Variants in PLEKHH1 observed in about 807,000 individuals in gnomAD.
The protein encoded by PLEKHH1 is pleckstrin homology, MyTH4 and FERM domain containing H1, also known as pleckstrin homology domain-containing family H member 1.
PLEKHH1 carries 104 observed loss-of-function variants against 160.0 expected under a neutral mutation model. That is an observed-to-expected ratio of 0.65 (90% CI 0.55 to 0.76). The LOEUF is 0.76. Ranked by LOEUF, PLEKHH1 falls within the 30% of genes least tolerant of loss-of-function variation. PLEKHH1 has a pLI of 0.00. For missense variants in PLEKHH1, 1,427 were observed against 1,724.1 expected, an observed-to-expected ratio of 0.83 and a Z score of 3.05; for synonymous variants, 619 against 678.4, an observed-to-expected ratio of 0.91 and a Z score of 1.36.
intron 9 of PLEKHH1, chr14:67,571,436 CACTT>C: frequency 7.3e-6 from 2 of 273,832 alleles, no homozygotes; most frequent in South Asian, 8.8e-5. Flanking sequence ...TCGCATGGCA[CACTT>C]AGTCTGTGGT....
rs1230402372 is a variant in PLEKHH1, at chr14:67,583,824, G to A, written c.3510G>A (p.Gln1170=). ...SPAKAQHLLQ[Q]VLDRFHPRRY... ...CCAAGGCTCAGCATCTTCTCCAGCAGGTCCTAGACAGGTTCCACCCCAGGC... is the reference window on the plus strand; with the variant it reads ...CCAAGGCTCAGCATCTTCTCCAGCAAGTCCTAGACAGGTTCCACCCCAGGC... Residue 1170 remains glutamine (Q), a synonymous_variant, in exon 25 of 29, where the codon CAG becomes CAA. Transcript: ENST00000329153. 10 of 1,613,264 alleles carry A rather than the reference G, an allele frequency of 6.2e-6. No individual in the cohort carries two copies. Among genetic ancestry groups the A allele is most frequent in the Non-Finnish European group, 8.5e-6 (10 of 1,179,572 alleles).
At position 67,583,793 on chromosome 14, in the gene PLEKHH1, C is replaced by T; in HGVS notation, c.3479C>T (p.Ser1160Phe). The T allele has an allele frequency of 6.2e-7, 1 of 1,612,614 alleles. No individual in the cohort carries two copies. The highest frequency in any genetic ancestry group is 8.5e-7 in the Non-Finnish European group (1 of 1,179,170). Residue 1160 changes from serine to phenylalanine, a missense_variant, in exon 25 of 29, where the codon TCC becomes TTC. This residue lies in a region of PLEKHH1 where 436 missense variants were observed against 607.5 expected (regional missense o/e 0.72). Transcript: ENST00000329153. ...GCCCTGCCAGGCCCTGGAGGCACAT[C>T]CCCTGCCAAGGCTCAGCATCTTCTC... ...KPALPGPGGT[S>F]PAKAQHLLQQ...
intron 1 of PLEKHH1, among the ~76,000 whole-genome samples, chr14:67,535,439 G>C (rs547339892): frequency 7.3e-6 from 1 of 137,904 alleles, no homozygotes; most frequent in Admixed American, 7.9e-5. Context: ...GGAGTGCAGT[G>C]GTGCAATCTC....
chr14:67,559,627 A>T lies in PLEKHH1; in HGVS notation c.359A>T (p.Glu120Val). Residue 120 changes from glutamate (E) to valine (V), a missense_variant, in exon 5 of 29, where the codon GAA (glutamate) becomes GTA (valine). Physicochemically the swap from Glu to Val is moderately radical, Grantham distance 121. Coordinates refer to ENST00000329153, the MANE Select transcript of PLEKHH1 (RefSeq NM_020715.3). ...TTGCAGAAGCAGATGAGGGCAGAGG[A>T]AGCAAAAACTGTTCAAGAAAAAGCT... ...LEKQKQMRAE[E>V]AKTVQEKAAK... The T allele has an allele frequency of 6.2e-7, 1 of 1,600,842 alleles. No homozygotes were observed. Among genetic ancestry groups the T allele is most frequent in the Non-Finnish European group, 8.5e-7 (1 of 1,173,582 alleles).
intron 5 of PLEKHH1, 68 bp from the exon 6 acceptor site, chr14:67,561,886 A>T: frequency 6.0e-5 from 67 of 1,108,218 alleles, no homozygotes; most frequent in Non-Finnish European, 8.6e-5. Context: ...AAAAAAAAAA[A>T]GAATTGAAAA....
At chr14:67,585,361 G>A (rs1317540051) in intron 26 of PLEKHH1, 9 of 550,088 alleles carry the variant, frequency 1.6e-5, no homozygotes, top group Non-Finnish European at 2.6e-5. Flanking sequence ...TAGGTGGCCA[G>A]AGCCCCAAGG....
At chr14:67,577,096 C>T (rs981275750) in intron 17 of PLEKHH1, among the ~76,000 whole-genome samples, 9 of 152,192 alleles carry the variant, frequency 5.9e-5, no homozygotes, top group African/African-American at 9.7e-5. Flanking sequence ...TGCCATTCCA[C>T]GAGAAAGGCC....
At chr14:67,583,918 G>A in intron 25 of PLEKHH1, 35 bp downstream of exon 25, 2 of 1,611,960 alleles carry the variant, frequency 1.2e-6, no homozygotes, top group Non-Finnish European at 1.7e-6. Context: ...GCAAGTCACT[G>A]TGGGGAGGTC....
At chr14:67,579,046 G>A in intron 20 of PLEKHH1, 88 bp from the exon 21 acceptor site, 1 of 888,174 alleles carries the variant, frequency 1.1e-6, no homozygotes, top group South Asian at 1.5e-5. Flanking sequence ...TACAGTTTTG[G>A]TCCTGGCTGA....
chr14:67,562,048 G>GGGTGTGCA lies in PLEKHH1; in HGVS notation c.505+23_505+30dup, dbSNP rs1208351493. 3 of 1,612,994 alleles carry GGGTGTGCA rather than the reference G, an allele frequency of 1.9e-6. No individual in the cohort carries two copies. Among genetic ancestry groups the GGGTGTGCA allele is most frequent in the Admixed American group, 1.7e-5 (1 of 60,002 alleles). ...GATGCGCTAGAAGGTAGGCAGGCCA[G>GGGTGTGCA]GGTGTGCAGGTGTGCAGTACGTGTG... On this transcript the variant is annotated intron_variant, in intron 6 of 28. Coordinates refer to ENST00000329153, the MANE Select transcript of PLEKHH1 (RefSeq NM_020715.3).
intron 23 of PLEKHH1, among the ~76,000 whole-genome samples, 159 bp downstream of exon 23, chr14:67,581,197 G>A (rs576138426): frequency 6.6e-6 from 1 of 152,144 alleles, no homozygotes; most frequent in South Asian, 2.1e-4. Context: ...GGGCTCTGCT[G>A]CTGATACTCT....
intron 2 of PLEKHH1, among the ~76,000 whole-genome samples, chr14:67,555,618 G>A (rs553624549): frequency 7.2e-5 from 11 of 152,256 alleles, no homozygotes; most frequent in African/African-American, 1.4e-4. Flanking sequence ...CAGCAGCCAC[G>A]GGCTCTTCAC....
chr14:67,539,534 T>C (rs901195373), intron 1 of PLEKHH1, among the ~76,000 whole-genome samples: 4 of 152,218 alleles, frequency 2.6e-5, no homozygotes, highest in Non-Finnish European at 2.9e-5. Flanking sequence ...GGGGAGATTA[T>C]GGTGTCAGAA....
rs979953898 is a variant in PLEKHH1, at chr14:67,588,723, A to C, written c.*1488A>C. 1.3e-5 allele frequency: 2 copies of C among 152,560 alleles called. No homozygotes were observed. The highest frequency in any genetic ancestry group is 1.3e-4 in the Admixed American group (2 of 15,276). 9.5% of individuals were successfully genotyped at this position (152,560 alleles called of 1,614,324 possible). ...TTACTATATGTCAGTAAAGTGCTGA[A>C]AACTGTATATTTAGCAGTAGCACCC... On this transcript the variant is annotated 3_prime_UTR_variant, in exon 29 of 29. Transcript: ENST00000329153.
chr14:67,559,852 A>T (rs958494534), intron 5 of PLEKHH1, among the ~76,000 whole-genome samples, 161 bp downstream of exon 5: 1 of 151,890 alleles, frequency 6.6e-6, no homozygotes, highest in Non-Finnish European at 1.5e-5. Flanking sequence ...ACCGTAGTTC[A>T]CTTCCCCTTT....
At position 67,561,936 on chromosome 14, in the gene PLEKHH1, AT is replaced by A; in HGVS notation, c.424-13del. On this transcript the variant is annotated splice_polypyrimidine_tract_variant and intron_variant, in intron 5 of 28. Coordinates refer to ENST00000329153, the MANE Select transcript of PLEKHH1 (RefSeq NM_020715.3). ...TGTAGGCTGGGTGTCCTAAATCTTC[AT>A]TTTTCTTTTTGCTCAGCTTGAGATG... 1 of 1,601,338 alleles carries A rather than the reference AT, an allele frequency of 6.2e-7. No homozygotes were observed.
At chr14:67,567,330 T>A (rs1045560371) in intron 7 of PLEKHH1, among the ~76,000 whole-genome samples, 3 of 152,208 alleles carry the variant, frequency 2.0e-5, no homozygotes, top group African/African-American at 7.2e-5. Context: ...AAGCCCTTTT[T>A]TCAGTTAATC....
rs1391772599 is a variant in PLEKHH1, at chr14:67,585,554, T to C, written c.3700-14T>C. ...ACTATGGATATATCTGATGGGTTGT[T>C]TCTGTTTCCCCAGCCTGCCCAGCTG... On this transcript the variant is annotated splice_polypyrimidine_tract_variant and intron_variant, in intron 26 of 28. Transcript: ENST00000329153. 5.8e-6 allele frequency: 9 copies of C among 1,554,622 alleles called. No homozygotes were observed. Among genetic ancestry groups the C allele is most frequent in the Non-Finnish European group, 7.9e-6 (9 of 1,143,818 alleles).
chr14:67,587,467 TA>T lies in PLEKHH1; in HGVS notation c.*234del. ...TTAAAACCATTTATTCCTTTTTTCATAAGAATAATGACTCCAGATGCTACCT... is the reference window on the plus strand; with the variant it reads ...TTAAAACCATTTATTCCTTTTTTCATAGAATAATGACTCCAGATGCTACCT... On this transcript the variant is annotated 3_prime_UTR_variant, in exon 29 of 29. Coordinates refer to ENST00000329153, the MANE Select transcript of PLEKHH1 (RefSeq NM_020715.3). 1 of 565,558 alleles carries T rather than the reference TA, an allele frequency of 1.8e-6. No individual in the cohort carries two copies. The highest frequency in any genetic ancestry group is 3.1e-6 in the Non-Finnish European group (1 of 317,534). 35.0% of individuals were successfully genotyped at this position (565,558 alleles called of 1,614,324 possible).
Sources: allele counts gnomAD v4.1 joint callset (sites outside exome capture counted in the v4.1 genomes callset), GRCh38; gene constraint gnomAD v4.1.1; regional missense constraint gnomAD v4.1.1; transcripts MANE v1.5; gene names NCBI Gene and HGNC (gene_info 2026-07-23, HGNC 2026-07-21).